ITM2B: variants seen among roughly 807,000 people sequenced by gnomAD.
ITM2B encodes ABri/ADan amyloid peptide.
ITM2B carries 11 observed loss-of-function variants against 27.8 expected under a neutral mutation model. That is an observed-to-expected ratio of 0.40 (90% CI 0.25 to 0.66). The LOEUF is 0.66. Ranked by LOEUF, ITM2B falls within the 30% of genes least tolerant of loss-of-function variation. The pLI is 0.43. For missense variants in ITM2B, 296 were observed against 328.9 expected (o/e 0.90, Z 0.77); for synonymous variants, 114 against 114.3 (o/e 1.00, Z 0.02).
Position 48,245,689 on chromosome 13 carries a change from A to T in ITM2B, c.118-8119A>T, listed in dbSNP as rs560147341. On this transcript the variant is annotated intron_variant, in intron 1 of 5. Transcript: ENST00000647800. ...TGGCTTTAAATTTTAATTTTTTTTC[A>T]TTCTATATTACTGCTTTTATATTGC... Among the ~76,000 whole-genome samples the T allele has an allele frequency of 5.3e-5, 8 of 151,592 alleles. 1 individual carries two copies. In the South Asian group the frequency reaches 1.7e-3, roughly 32 times the overall value.
chr13:48,260,845 T>TG (rs1376675612), intron 5 of ITM2B, among the ~76,000 whole-genome samples: 1 of 152,126 alleles, frequency 6.6e-6, no homozygotes, highest in Non-Finnish European at 1.5e-5. Flanking sequence ...CACAAGGTCT[T>TG]GCAAGCACCA....
intron 2 of ITM2B, among the ~76,000 whole-genome samples, chr13:48,255,598 G>A (rs1240404633): frequency 6.6e-6 from 1 of 152,084 alleles, no homozygotes; most frequent in Admixed American, 6.5e-5. Context: ...TACTGCACCC[G>A]ACCTTATGTA....
chr13:48,260,995 C>A, intron 5 of ITM2B, 144 bp from the exon 6 acceptor site: 1 of 625,812 alleles, frequency 1.6e-6, no homozygotes, highest in Non-Finnish European at 2.8e-6. Context: ...TACTTTTCTT[C>A]AGTGTAAACA....
chr13:48,238,168 A>G (rs913728915), intron 1 of ITM2B, among the ~76,000 whole-genome samples: 15 of 152,214 alleles, frequency 9.9e-5, no homozygotes, highest in Non-Finnish European at 4.4e-5. Flanking sequence ...TGGAAATTAT[A>G]ACACTAAGGA....
intron 3 of ITM2B, among the ~76,000 whole-genome samples, chr13:48,257,730 C>T (rs966953285): frequency 2.6e-5 from 4 of 152,068 alleles, no homozygotes; most frequent in Non-Finnish European, 5.9e-5. Flanking sequence ...GACTGTTTTT[C>T]TAATGTTCTA....
At chr13:48,241,336 C>T (rs1051330806) in intron 1 of ITM2B, among the ~76,000 whole-genome samples, 2 of 152,106 alleles carry the variant, frequency 1.3e-5, no homozygotes, top group Admixed American at 1.3e-4. Flanking sequence ...CTCAGTCTCC[C>T]GAGTAGCTGG....
Position 48,261,208 on chromosome 13 carries a change from C to G in ITM2B, c.785C>G (p.Thr262Ser). The change falls in exon 6 of 6, where the codon ACT becomes AGT. Residue 262 changes from threonine to serine, a missense_variant. Coordinates refer to ENST00000647800, the MANE Select transcript of ITM2B (RefSeq NM_021999.5). ...RHFENKFAVE[T>S]LICS ...TTTGAAAACAAATTTGCCGTGGAAA[C>G]TTTAATTTGTTCTTGAACAGTCAAG... The G allele has an allele frequency of 1.2e-6, 2 of 1,610,506 alleles. No individual in the cohort carries two copies. The highest frequency in any genetic ancestry group is 2.7e-5 in the African/African-American group (2 of 74,880).
intron 1 of ITM2B, among the ~76,000 whole-genome samples, chr13:48,242,192 G>C (rs148601348): frequency 1.6e-3 from 251 of 152,182 alleles, no homozygotes; most frequent in African/African-American, 5.7e-3. Flanking sequence ...AGTTACATTT[G>C]AGTATTGTAG....
chr13:48,239,396 A>C (rs1951686807), intron 1 of ITM2B, among the ~76,000 whole-genome samples: 1 of 152,164 alleles, frequency 6.6e-6, no homozygotes, highest in African/African-American at 2.4e-5. Flanking sequence ...GCACTTTGGG[A>C]TACTGAGGCT....
intron 1 of ITM2B, among the ~76,000 whole-genome samples, chr13:48,235,956 G>C (rs759643196): frequency 6.6e-5 from 10 of 152,094 alleles, no homozygotes; most frequent in Non-Finnish European, 1.3e-4. Flanking sequence ...CTAATCAGCT[G>C]GCTTATATAA....
rs764934794 is a variant in ITM2B at position 48,258,177 on chromosome 13, C to T, written c.505C>T (p.Leu169=). Residue 169 remains leucine, a synonymous_variant, in exon 4 of 6, where the codon CTG becomes TTG. Coordinates refer to ENST00000647800, the MANE Select transcript of ITM2B (RefSeq NM_021999.5). ...LNLDKCYVIP[L]NTSIVMPPRN... Reference sequence around the variant, plus strand: ...CCTGGATAAGTGCTATGTGATCCCTCTGAACACTTCCATTGTTATGCCACC... The same window carrying T: ...CCTGGATAAGTGCTATGTGATCCCTTTGAACACTTCCATTGTTATGCCACC... 13 of 1,607,074 alleles carry T rather than the reference C, an allele frequency of 8.1e-6. No individual in the cohort carries two copies. The South Asian group carries it at 1.1e-4, about 14-fold the overall frequency.
At chr13:48,242,602 G>A (rs1050570043) in intron 1 of ITM2B, among the ~76,000 whole-genome samples, 8 of 152,044 alleles carry the variant, frequency 5.3e-5, no homozygotes, top group African/African-American at 1.7e-4. Flanking sequence ...TCTCAGAATC[G>A]TTATTCCATC....
At chr13:48,250,661 A>T (rs1306531413) in intron 1 of ITM2B, among the ~76,000 whole-genome samples, 1 of 152,138 alleles carries the variant, frequency 6.6e-6, no homozygotes, top group African/African-American at 2.4e-5. Flanking sequence ...CATCAAATAT[A>T]TGAGTGCCAG....
intron 5 of ITM2B, among the ~76,000 whole-genome samples, 184 bp from the exon 6 acceptor site, chr13:48,260,955 T>G (rs147923510): frequency 1.5e-3 from 234 of 152,308 alleles, no homozygotes; most frequent in African/African-American, 5.3e-3. Flanking sequence ...GTCAAGATAT[T>G]AATACTTGGT....
intron 1 of ITM2B, among the ~76,000 whole-genome samples, chr13:48,234,207 G>A (rs1951653834): frequency 6.6e-6 from 1 of 152,104 alleles, no homozygotes; most frequent in South Asian, 2.1e-4. Context: ...AACTAAACAT[G>A]AGAAATTTGC....
chr13:48,260,476 G>A (rs543248730), intron 5 of ITM2B, among the ~76,000 whole-genome samples: 21 of 152,132 alleles, frequency 1.4e-4, no homozygotes, highest in Admixed American at 1.0e-3. Context: ...GTGTAAAAGC[G>A]TTCCCCAATA....
At position 48,233,272 on chromosome 13, in the gene ITM2B, C is replaced by G; in HGVS notation, c.-89C>G. 1.3e-6 allele frequency: 1 copy of G among 787,794 alleles called. No homozygotes were observed. The highest frequency in any genetic ancestry group is 1.8e-5 in the South Asian group (1 of 54,404). 48.8% of individuals were successfully genotyped at this position (787,794 alleles called of 1,614,324 possible). Reference sequence around the variant, plus strand: ...AGCCGCCCGGAGCCGCTCCCGGAGCCCGGCCGTAGAGGCTGCAATCGCAGC... The same window carrying G: ...AGCCGCCCGGAGCCGCTCCCGGAGCGCGGCCGTAGAGGCTGCAATCGCAGC... On this transcript the variant is annotated 5_prime_UTR_variant, in exon 1 of 6. Coordinates refer to ENST00000647800, the MANE Select transcript of ITM2B (RefSeq NM_021999.5).
intron 1 of ITM2B, among the ~76,000 whole-genome samples, chr13:48,245,181 C>T (rs533772921): frequency 4.9e-4 from 74 of 152,254 alleles, no homozygotes; most frequent in Non-Finnish European, 6.0e-4. Context: ...CAACAGTTAG[C>T]TGGGCCTGGT....
chr13:48,260,851 C>T (rs1367862500), intron 5 of ITM2B, among the ~76,000 whole-genome samples: 1 of 152,078 alleles, frequency 6.6e-6, no homozygotes, highest in Non-Finnish European at 1.5e-5. Flanking sequence ...GTCTTGCAAG[C>T]ACCACCATAG....
Sources: allele counts gnomAD v4.1 joint callset (sites outside exome capture counted in the v4.1 genomes callset), GRCh38; gene constraint gnomAD v4.1.1; transcripts MANE v1.5; gene names NCBI Gene and HGNC (gene_info 2026-07-23, HGNC 2026-07-21).